The following CNTN5 variants were observed in gnomAD, a reference collection of about 807,000 sequenced individuals.
CNTN5 encodes contactin-5.
Under a neutral mutation model 129.1 loss-of-function variants are expected in CNTN5, and 77 were observed. The observed-to-expected ratio is 0.60, with a 90% CI of 0.50 to 0.72. The LOEUF (loss-of-function observed/expected upper bound fraction) is 0.72, where lower values mean the gene tolerates loss of function less well. CNTN5 is among the 30% of genes least tolerant of loss of function. The probability of loss-of-function intolerance (pLI) is 0.00; values close to 1 mark genes in which losing one functional copy is unlikely to be tolerated. For missense variants in CNTN5, 1,478 were observed against 1,328.8 expected (o/e 1.11, Z -1.75); for synonymous variants, 509 against 465.6 (o/e 1.09, Z -1.20).
At chr11:99,655,749 A>C (rs1952332073) in intron 3 of CNTN5, among the ~76,000 whole-genome samples, 1 of 152,076 alleles carries the variant, frequency 6.6e-6, no homozygotes, top group Non-Finnish European at 1.5e-5. Context: ...ACACACATAG[A>C]TGTATATACG....
At chr11:99,165,500 G>A (rs550819528) in intron 1 of CNTN5, among the ~76,000 whole-genome samples, 2 of 152,248 alleles carry the variant, frequency 1.3e-5, no homozygotes, top group South Asian at 4.1e-4. Context: ...AGAGGGGAGA[G>A]GAGAGGAAGG....
At chr11:99,432,583 C>A (rs1180579097) in intron 2 of CNTN5, among the ~76,000 whole-genome samples, 2 of 151,158 alleles carry the variant, frequency 1.3e-5, no homozygotes, top group Non-Finnish European at 2.9e-5. Flanking sequence ...AGTGTTTATA[C>A]AAACAGTCAT....
chr11:99,920,647 A>G (rs894122416), intron 7 of CNTN5, among the ~76,000 whole-genome samples: 1 of 152,144 alleles, frequency 6.6e-6, no homozygotes, highest in Non-Finnish European at 1.5e-5. Context: ...AACCATCAGT[A>G]ATTTTACTGG....
chr11:99,503,689 G>A (rs1397943215), intron 2 of CNTN5, among the ~76,000 whole-genome samples: 1 of 152,024 alleles, frequency 6.6e-6, no homozygotes, highest in Non-Finnish European at 1.5e-5. Context: ...TACTGTTCCA[G>A]GCATATAACA....
intron 16 of CNTN5, among the ~76,000 whole-genome samples, chr11:100,236,273 A>C (rs1051190322): frequency 2.0e-4 from 30 of 151,850 alleles, no homozygotes; most frequent in Admixed American, 6.6e-5. Flanking sequence ...CCAGTCCTGC[A>C]CTCCCAGAGC....
At chr11:99,453,173 C>T (rs1565594272) in intron 2 of CNTN5, among the ~76,000 whole-genome samples, 1 of 152,040 alleles carries the variant, frequency 6.6e-6, no homozygotes, top group Non-Finnish European at 1.5e-5. Flanking sequence ...TGAAATTAGG[C>T]CCATGTTTGA....
At chr11:99,231,651 A>G (rs891921083) in intron 1 of CNTN5, among the ~76,000 whole-genome samples, 3 of 151,984 alleles carry the variant, frequency 2.0e-5, no homozygotes, top group Non-Finnish European at 2.9e-5. Context: ...CTCTTTAGTT[A>G]AACTAGATCC....
intron 1 of CNTN5, among the ~76,000 whole-genome samples, chr11:99,139,843 T>G (rs942239007): frequency 6.6e-6 from 1 of 152,186 alleles, no homozygotes; most frequent in African/African-American, 2.4e-5. Context: ...TTTGGACATT[T>G]ATATGTTAAA....
chr11:99,906,584 T>G (rs1949512953), intron 6 of CNTN5, among the ~76,000 whole-genome samples: 1 of 152,138 alleles, frequency 6.6e-6, no homozygotes, highest in South Asian at 2.1e-4. Flanking sequence ...TGATGTTCAT[T>G]AGGAATATTG....
chr11:99,654,583 G>A (rs983101814), intron 3 of CNTN5, among the ~76,000 whole-genome samples: 1 of 152,096 alleles, frequency 6.6e-6, no homozygotes, highest in Non-Finnish European at 1.5e-5. Flanking sequence ...ATCTACTGGT[G>A]AAGTTACTGA....
At chr11:99,540,707 C>T (rs1182519290) in intron 2 of CNTN5, among the ~76,000 whole-genome samples, 1 of 152,048 alleles carries the variant, frequency 6.6e-6, no homozygotes, top group Non-Finnish European at 1.5e-5. Context: ...GCAAATGATA[C>T]TCAACTGCTA....
At chr11:99,889,875 T>C (rs536093665) in intron 6 of CNTN5, among the ~76,000 whole-genome samples, 37 of 152,286 alleles carry the variant, frequency 2.4e-4, no homozygotes, top group African/African-American at 8.2e-4. Flanking sequence ...CAAAATACTA[T>C]TGAGGTGTTT....
intron 21 of CNTN5, chr11:100,337,693 T>C: frequency 1.8e-6 from 1 of 566,864 alleles, no homozygotes; most frequent in Non-Finnish European, 3.4e-6. Context: ...TTTCTCCAGC[T>C]GTGCATATGT....
intron 6 of CNTN5, among the ~76,000 whole-genome samples, chr11:99,901,538 C>A (rs1467920564): frequency 6.6e-5 from 10 of 151,986 alleles, no homozygotes; most frequent in South Asian, 2.1e-4. Context: ...AGTGACCTGC[C>A]CACTTTGGCC....
chr11:99,981,663 G>A (rs1276211438), intron 8 of CNTN5, among the ~76,000 whole-genome samples: 1 of 152,130 alleles, frequency 6.6e-6, no homozygotes, highest in Non-Finnish European at 1.5e-5. Flanking sequence ...AAATCTGAAA[G>A]TTCTTATGAG....
At chr11:99,034,284 A>T (rs563722184) in intron 1 of CNTN5, among the ~76,000 whole-genome samples, 1 of 152,274 alleles carries the variant, frequency 6.6e-6, no homozygotes, top group Non-Finnish European at 1.5e-5. Context: ...CTGGCCTCAT[A>T]CAATGAGTTA....
chr11:100,290,952 T>A (rs1423335552), intron 18 of CNTN5, among the ~76,000 whole-genome samples: 1 of 151,682 alleles, frequency 6.6e-6, no homozygotes, highest in Middle Eastern at 3.2e-3. Flanking sequence ...GCAAAGGACA[T>A]GAACAGACAC....
At chr11:99,450,441 G>A (rs973048831) in intron 2 of CNTN5, among the ~76,000 whole-genome samples, 5 of 152,018 alleles carry the variant, frequency 3.3e-5, no homozygotes, top group African/African-American at 1.2e-4. Context: ...CAAATACTAA[G>A]CCATTGTCCT....
chr11:99,837,330 C>G (rs1947338705), intron 4 of CNTN5, among the ~76,000 whole-genome samples: 2 of 152,264 alleles, frequency 1.3e-5, no homozygotes, highest in Admixed American at 6.5e-5. Context: ...CTTCTTAACA[C>G]ATTAACATGT....
Sources: gnomAD v4.1 joint callset for allele counts (sites outside exome capture counted in the v4.1 genomes callset) on GRCh38, gnomAD v4.1.1 for gene constraint, MANE v1.5 for transcripts, NCBI Gene and HGNC (gene_info 2026-07-23, HGNC 2026-07-21) for gene names.